CAMKMT: variants seen among roughly 807,000 people sequenced by gnomAD.
The protein encoded by CAMKMT is CaM KMT.
Under a neutral mutation model 48.0 loss-of-function variants are expected in CAMKMT, and 53 were observed. The ratio of observed to expected loss-of-function variants is 1.10; its 90% CI spans 0.89 to 1.39. The LOEUF (loss-of-function observed/expected upper bound fraction) is 1.39, where lower values mean the gene tolerates loss of function less well. Among genes scored for constraint, CAMKMT ranks in the 40% most tolerant of loss-of-function variants. The pLI, the probability that CAMKMT is intolerant of heterozygous loss-of-function variation, is 0.00. For synonymous variants in CAMKMT, 165 were observed against 152.3 expected (o/e 1.08, Z -0.61); for missense variants, 428 against 402.7 (o/e 1.06, Z -0.54).
intron 9 of CAMKMT, among the ~76,000 whole-genome samples, chr2:44,764,496 G>T (rs1269003814): frequency 1.3e-5 from 2 of 152,200 alleles, no homozygotes; most frequent in Non-Finnish European, 2.9e-5. Flanking sequence ...AAACTCAGTG[G>T]ATCAGCGAGG....
chr2:44,762,007 A>G (rs1345790097), intron 9 of CAMKMT, among the ~76,000 whole-genome samples: 5 of 152,248 alleles, frequency 3.3e-5, no homozygotes, highest in Non-Finnish European at 7.3e-5. Context: ...TATAAGTGAT[A>G]GCTGAAGCCA....
chr2:44,729,123 G>T (rs757165003), intron 7 of CAMKMT, among the ~76,000 whole-genome samples: 6 of 152,008 alleles, frequency 3.9e-5, no homozygotes, highest in Non-Finnish European at 7.4e-5. Flanking sequence ...GGTCATTCCA[G>T]AGAAGTGACT....
At chr2:44,545,448 A>G (rs1015226994) in intron 3 of CAMKMT, among the ~76,000 whole-genome samples, 1 of 152,196 alleles carries the variant, frequency 6.6e-6, no homozygotes, top group African/African-American at 2.4e-5. Context: ...GTCATAATAC[A>G]TGTACCCTGC....
At chr2:44,599,549 T>C (rs1670862263) in intron 3 of CAMKMT, among the ~76,000 whole-genome samples, 1 of 152,132 alleles carries the variant, frequency 6.6e-6, no homozygotes, top group South Asian at 2.1e-4. Flanking sequence ...TCTGTGAGAA[T>C]GAAAAGTAAT....
intron 3 of CAMKMT, among the ~76,000 whole-genome samples, chr2:44,667,277 T>C (rs1157514102): frequency 1.3e-5 from 2 of 152,158 alleles, no homozygotes; most frequent in Non-Finnish European, 2.9e-5. Flanking sequence ...TGTTGACTCA[T>C]TCCATCCACC....
At chr2:44,691,402 G>A (rs1033200008) in intron 3 of CAMKMT, among the ~76,000 whole-genome samples, 1 of 152,204 alleles carries the variant, frequency 6.6e-6, no homozygotes, top group South Asian at 2.1e-4. Flanking sequence ...ACATGGCTGG[G>A]ACCTTGTCCA....
chr2:44,493,885 C>T (rs1000239813), intron 3 of CAMKMT, among the ~76,000 whole-genome samples: 5 of 152,008 alleles, frequency 3.3e-5, no homozygotes, highest in Admixed American at 3.3e-4. Context: ...AACTGTTAAC[C>T]CTAATTTATT....
intron 3 of CAMKMT, among the ~76,000 whole-genome samples, chr2:44,493,418 C>T (rs1451662725): frequency 6.6e-6 from 1 of 152,158 alleles, no homozygotes; most frequent in Non-Finnish European, 1.5e-5. Context: ...CGTTAGAAAT[C>T]ATTCTGTCTT....
At chr2:44,567,484 C>G (rs1293423470) in intron 3 of CAMKMT, among the ~76,000 whole-genome samples, 1 of 152,182 alleles carries the variant, frequency 6.6e-6, no homozygotes, top group African/African-American at 2.4e-5. Context: ...TTGCTTCTCT[C>G]CCATGTCAAT....
intron 3 of CAMKMT, among the ~76,000 whole-genome samples, chr2:44,624,787 C>G (rs1456732655): frequency 6.6e-6 from 1 of 152,044 alleles, no homozygotes; most frequent in East Asian, 1.9e-4. Flanking sequence ...AATAAATATA[C>G]CTGTGCATGT....
intron 3 of CAMKMT, among the ~76,000 whole-genome samples, chr2:44,530,157 G>C (rs1666405805): frequency 6.6e-6 from 1 of 152,100 alleles, no homozygotes; most frequent in Non-Finnish European, 1.5e-5. Flanking sequence ...AGCTTAATGT[G>C]ATTTCAAATG....
At chr2:44,621,226 C>T (rs935155870) in intron 3 of CAMKMT, among the ~76,000 whole-genome samples, 2 of 139,282 alleles carry the variant, frequency 1.4e-5, no homozygotes, top group Non-Finnish European at 1.5e-5. Context: ...GAGATCGCAC[C>T]ACTGCACTCC....
intron 3 of CAMKMT, among the ~76,000 whole-genome samples, chr2:44,591,815 A>C (rs113363357): frequency 6.6e-6 from 1 of 151,998 alleles, no homozygotes; most frequent in Non-Finnish European, 1.5e-5. Context: ...AACCAACCCA[A>C]ATGTCCAACA....
chr2:44,473,233 AT>A (rs767598113), intron 3 of CAMKMT, among the ~76,000 whole-genome samples: 82 of 152,198 alleles, frequency 5.4e-4, no homozygotes, highest in Non-Finnish European at 1.0e-3. Context: ...TTTGTGTTTC[AT>A]TTTATGAAAA....
rs150262545 is a variant in CAMKMT, at chr2:44,734,794, A to G, written c.624-8828A>G. On this transcript the variant is annotated intron_variant, in intron 7 of 10. Coordinates refer to ENST00000378494, the MANE Select transcript of CAMKMT (RefSeq NM_024766.5). ...TGACCCAGAATAGGTATATATTGGT[A>G]AATGGTCTATTTGAAAAGAACATCT... 2.8e-3 allele frequency among the ~76,000 whole-genome samples: 433 copies of G among 152,340 alleles called. 6 individuals are homozygous for G. The highest frequency in any genetic ancestry group is 5.7e-4 in the Non-Finnish European group (39 of 68,034).
intron 3 of CAMKMT, among the ~76,000 whole-genome samples, chr2:44,447,738 T>C (rs980776474): frequency 2.0e-5 from 3 of 152,194 alleles, no homozygotes; most frequent in Non-Finnish European, 4.4e-5. Context: ...CTGTTGTCAG[T>C]AGGGCATAAA....
At chr2:44,374,082 C>T (rs1679439232) in intron 2 of CAMKMT, among the ~76,000 whole-genome samples, 1 of 119,832 alleles carries the variant, frequency 8.3e-6, no homozygotes. Flanking sequence ...TGTGCCATTG[C>T]ATTCTAGCCT....
intron 3 of CAMKMT, among the ~76,000 whole-genome samples, chr2:44,595,867 A>T (rs1233832841): frequency 2.0e-5 from 3 of 152,098 alleles, no homozygotes; most frequent in Admixed American, 6.5e-5. Flanking sequence ...CATCATTCTC[A>T]GCAAACTAAC....
At chr2:44,512,544 T>C (rs1438187714) in intron 3 of CAMKMT, among the ~76,000 whole-genome samples, 1 of 152,228 alleles carries the variant, frequency 6.6e-6, no homozygotes, top group Non-Finnish European at 1.5e-5. Flanking sequence ...CAGTTTTTCC[T>C]ACCCTTTCAT....
Sources: gnomAD v4.1 joint callset for allele counts (sites outside exome capture counted in the v4.1 genomes callset) on GRCh38, gnomAD v4.1.1 for gene constraint, MANE v1.5 for transcripts, NCBI Gene and HGNC (gene_info 2026-07-23, HGNC 2026-07-21) for gene names.